Variants in ABI1 observed in about 807,000 individuals in gnomAD.
The protein encoded by ABI1 is abl interactor 1.
In ABI1, 14 loss-of-function variants were observed where a neutral mutation model predicts 54.6. The observed-to-expected ratio is 0.26, with a 90% CI of 0.17 to 0.40. The LOEUF is 0.40. Among genes scored for constraint, ABI1 ranks in the 10% least tolerant of loss-of-function variants. The pLI, the probability that ABI1 is intolerant of heterozygous loss-of-function variation, is 1.00. For synonymous variants in ABI1, 194 were observed against 209.3 expected, an observed-to-expected ratio of 0.93 and a Z score of 0.63; for missense variants, 443 against 598.3, an observed-to-expected ratio of 0.74 and a Z score of 2.71.
At chr10:26,773,590 T>G (rs144181938) in intron 3 of ABI1, among the ~76,000 whole-genome samples, 102 of 152,272 alleles carry the variant, frequency 6.7e-4, no homozygotes, top group African/African-American at 2.3e-3. Flanking sequence ...GTAAACATTA[T>G]AAAGCTTTAG....
chr10:26,813,806 A>G (rs1363977262), intron 2 of ABI1, among the ~76,000 whole-genome samples: 3 of 152,210 alleles, frequency 2.0e-5, no homozygotes, highest in African/African-American at 7.2e-5. Context: ...AGTTTTTTTC[A>G]TTAAAATGTT....
chr10:26,770,552 T>G, intron 4 of ABI1: 1 of 725,504 alleles, frequency 1.4e-6, no homozygotes, highest in Admixed American at 1.7e-5. Context: ...TATCACATTG[T>G]AGCCAAATAC....
intron 1 of ABI1, among the ~76,000 whole-genome samples, chr10:26,843,485 A>AAAAAAAAAAAAAAAAGAT (rs1554832672): frequency 2.9e-5 from 1 of 34,160 alleles, no homozygotes; most frequent in Non-Finnish European, 5.1e-5. Flanking sequence ...AAAAAAAAAA[A>AAAAAAAAAAAAAAAAGAT]ATATATATAT....
chr10:26,820,890 T>C (rs1252637460), intron 2 of ABI1, among the ~76,000 whole-genome samples: 1 of 151,868 alleles, frequency 6.6e-6, no homozygotes, highest in Non-Finnish European at 1.5e-5. Flanking sequence ...TAAACACCTA[T>C]GTTAGAAAAG....
intron 8 of ABI1, among the ~76,000 whole-genome samples, chr10:26,758,834 C>T (rs990094271): frequency 6.6e-6 from 1 of 152,024 alleles, no homozygotes; most frequent in East Asian, 1.9e-4. Context: ...AGACACGTCT[C>T]GATAAATTTA....
At chr10:26,852,205 C>G (rs1324189153) in intron 1 of ABI1, among the ~76,000 whole-genome samples, 1 of 152,190 alleles carries the variant, frequency 6.6e-6, no homozygotes, top group Admixed American at 6.5e-5. Context: ...CTGGGCCGAG[C>G]ACGGTGGCTC....
chr10:26,849,433 A>G (rs1160033574), intron 1 of ABI1, among the ~76,000 whole-genome samples: 1 of 152,228 alleles, frequency 6.6e-6, no homozygotes, highest in Non-Finnish European at 1.5e-5. Flanking sequence ...AATATTGTAT[A>G]CGACAAAATG....
intron 2 of ABI1, among the ~76,000 whole-genome samples, chr10:26,783,524 G>A (rs190520166): frequency 2.5e-4 from 38 of 152,088 alleles, no homozygotes; most frequent in Admixed American, 2.3e-3. Flanking sequence ...CCTCCTCCTG[G>A]TCTACACAGG....
In ABI1 at chr10:26,759,195, G is replaced by T; in HGVS notation, c.864C>A (p.Thr288=). 6.2e-7 allele frequency: 1 copy of T among 1,614,070 alleles called. No individual in the cohort carries two copies. The highest frequency in any genetic ancestry group is 8.5e-7 in the Non-Finnish European group (1 of 1,179,974). Residue 288 remains threonine (T), a synonymous_variant, in exon 8 of 11, where the codon ACC becomes ACA. Coordinates refer to ENST00000376140, the MANE Select transcript of ABI1 (RefSeq NM_001012750.3). ...TAGAGTTGTGTCGAGATATCTGCCT[G>T]GTCATTGTGCCATACTGGGAACCAG... ...SAPGSQYGTM[T]RQISRHNSTT...
chr10:26,843,055 AAATAAAT>A (rs2049652908), intron 1 of ABI1, among the ~76,000 whole-genome samples: 2 of 152,092 alleles, frequency 1.3e-5, no homozygotes, highest in African/African-American at 4.8e-5. Flanking sequence ...AAAAGTAAAT[AAATAAAT>A]AATAAATTAG....
intron 1 of ABI1, among the ~76,000 whole-genome samples, chr10:26,845,568 G>A (rs868415084): frequency 4.6e-5 from 7 of 152,004 alleles, no homozygotes; most frequent in African/African-American, 1.7e-4. Flanking sequence ...ACTTGAACCC[G>A]GGAGGTGGAG....
At chr10:26,839,860 C>T (rs921992355) in intron 1 of ABI1, 5 of 683,806 alleles carry the variant, frequency 7.3e-6, no homozygotes, top group South Asian at 3.1e-5. Context: ...AATGGTAGCA[C>T]GTGCCTGTAG....
intron 2 of ABI1, among the ~76,000 whole-genome samples, chr10:26,784,722 T>C (rs1400000697): frequency 1.3e-5 from 2 of 152,180 alleles, no homozygotes; most frequent in Non-Finnish European, 2.9e-5. Flanking sequence ...AGTCATCCAA[T>C]TAGAAAACTT....
chr10:26,761,862 T>G (rs1403325775), intron 7 of ABI1, among the ~76,000 whole-genome samples: 1 of 151,896 alleles, frequency 6.6e-6, no homozygotes, highest in Non-Finnish European at 1.5e-5. Context: ...TATATCATAA[T>G]TTATTTATCC....
chr10:26,770,291 T>C lies in ABI1; in HGVS notation c.532A>G (p.Thr178Ala). The change falls in exon 5 of 11, where the codon ACT (threonine) becomes GCT (alanine). Residue 178 changes from threonine (T) to alanine (A), a missense_variant. Coordinates refer to ENST00000376140, the MANE Select transcript of ABI1 (RefSeq NM_001012750.3). The stretch of plus-strand genomic sequence containing the variant: ...ATGGGAGGACTTGGCGGTTTCTGAG[T>C]AGGAGGATTTGTTCTCGACAGTGTG... ...TGTLSRTNPPTQKPPSPPMSG... is the reference protein window; with the variant it reads ...TGTLSRTNPPAQKPPSPPMSG... The C allele has an allele frequency of 6.2e-7, 1 of 1,614,048 alleles. No individual in the cohort carries two copies. The highest frequency in any genetic ancestry group is 1.7e-5 in the Admixed American group (1 of 60,012).
At chr10:26,782,165 C>T (rs1170433217) in intron 2 of ABI1, among the ~76,000 whole-genome samples, 4 of 152,154 alleles carry the variant, frequency 2.6e-5, no homozygotes, top group African/African-American at 4.8e-5. Flanking sequence ...GCCACAGTAC[C>T]GTGGTCCTTG....
At chr10:26,796,541 A>G (rs1844191880) in intron 2 of ABI1, among the ~76,000 whole-genome samples, 1 of 152,166 alleles carries the variant, frequency 6.6e-6, no homozygotes, top group South Asian at 2.1e-4. Flanking sequence ...TTGCGTAAGT[A>G]CACTCTATGA....
chr10:26,841,746 C>G (rs115646657), intron 1 of ABI1, among the ~76,000 whole-genome samples: 1,719 of 152,116 alleles, frequency 0.011, 49 homozygotes, highest in African/African-American at 0.039. Flanking sequence ...CCAGGTCATC[C>G]ATGTTGTGGC....
intron 2 of ABI1, among the ~76,000 whole-genome samples, chr10:26,789,485 A>G (rs1033640679): frequency 6.6e-5 from 10 of 152,210 alleles, no homozygotes; most frequent in African/African-American, 2.4e-5. Flanking sequence ...TTTCCTGACT[A>G]AACATCAAAT....
Sources: gnomAD v4.1 joint callset for allele counts (sites outside exome capture counted in the v4.1 genomes callset) on GRCh38, gnomAD v4.1.1 for gene constraint, MANE v1.5 for transcripts, NCBI Gene and HGNC (gene_info 2026-07-23, HGNC 2026-07-21) for gene names.